The following ZNF362 variants were observed in gnomAD, a reference collection of about 807,000 sequenced individuals.
ZNF362 encodes rotund homolog.
In ZNF362, 11 loss-of-function variants were observed where a neutral mutation model predicts 42.9. The observed-to-expected ratio is 0.26, with a 90% confidence interval of 0.16 to 0.42. ZNF362 has a LOEUF of 0.42. Among genes scored for constraint, ZNF362 ranks in the 20% least tolerant of loss-of-function variants. The pLI is 1.00. For synonymous variants in ZNF362, 255 were observed against 257.3 expected (o/e 0.99, Z 0.09); for missense variants, 362 against 576.2 (o/e 0.63, Z 3.81).
the ZNF362 span, among the ~76,000 whole-genome samples, chr1:33,174,754 A>T: frequency 2.0e-5 from 3 of 152,166 alleles, no homozygotes; most frequent in African/African-American, 4.8e-5. Context: ...CAACAGAGCA[A>T]GCCTCAGTTA....
the ZNF362 span, among the ~76,000 whole-genome samples, chr1:33,210,790 C>T: frequency 3.3e-5 from 5 of 152,084 alleles, no homozygotes; most frequent in Admixed American, 6.6e-5. Flanking sequence ...AGACCTTCCT[C>T]CATCCCTTTA....
chr1:33,179,043 G>T, the ZNF362 span, among the ~76,000 whole-genome samples: 114,199 of 152,176 alleles, frequency 0.75, 42,857 homozygotes, highest in Admixed American at 0.78. Flanking sequence ...CTGTCTGGAA[G>T]TGTGGCCTTG....
intron 1 of ZNF362, among the ~76,000 whole-genome samples, chr1:33,257,760 C>T (rs2148056611): frequency 6.6e-6 from 1 of 152,334 alleles, no homozygotes; most frequent in East Asian, 1.9e-4. Context: ...CCTGCTGTCC[C>T]ACCACCCTGC....
chr1:33,288,989 T>C (rs1557798115), intron 6 of ZNF362, among the ~76,000 whole-genome samples: 2 of 152,134 alleles, frequency 1.3e-5, no homozygotes. Context: ...CCTGAAGCTT[T>C]TTCTGAGCCA....
chr1:33,226,023 TTAGACTGATTATGA>T, the ZNF362 span, among the ~76,000 whole-genome samples: 1 of 152,142 alleles, frequency 6.6e-6, no homozygotes, highest in Non-Finnish European at 1.5e-5. Context: ...TGTGATTGGT[TTAGACTGATTATGA>T]TTTGTCTACT....
the ZNF362 span, among the ~76,000 whole-genome samples, chr1:33,128,317 C>T: frequency 6.6e-6 from 1 of 152,026 alleles, no homozygotes; most frequent in African/African-American, 2.4e-5. Context: ...GTCGAGGCTT[C>T]AGTGAGCCGT....
chr1:33,165,097 G>A, the ZNF362 span: 8 of 169,298 alleles, frequency 4.7e-5, no homozygotes, highest in Non-Finnish European at 1.3e-5. The surrounding 1 kb of genome is among the most constrained non-coding windows in gnomAD (Gnocchi z 4.0). Context: ...AGGGTTGGGC[G>A]GTTTTAATAA....
chr1:33,280,588 G>A lies in ZNF362; in HGVS notation c.683+131G>A, dbSNP rs558291378. ...GAGGGGCAGGGCTAGGGTCCAGAGGGGCGGGGCCTTCTGGAGAGCCCCACC... is the reference window on the plus strand; with the variant it reads ...GAGGGGCAGGGCTAGGGTCCAGAGGAGCGGGGCCTTCTGGAGAGCCCCACC... On this transcript the variant is annotated intron_variant, in intron 5 of 8. Transcript: ENST00000539719. The surrounding 1 kb of genome is among the most constrained non-coding windows in gnomAD (Gnocchi z 5.6). The A allele has an allele frequency of 7.0e-7, 1 of 1,430,714 alleles. No individual in the cohort carries two copies. The highest frequency in any genetic ancestry group is 1.4e-5 in the African/African-American group (1 of 69,562). The allele number at this position is 1,430,714 out of a possible 1,614,324, so 88.6% of individuals were successfully genotyped here. A position where few individuals can be genotyped will look rare whatever the true frequency, so the allele number is the denominator to read the frequency against.
At chr1:33,276,637 G>A in intron 4 of ZNF362, 43 bp downstream of exon 4, 2 of 1,299,952 alleles carry the variant, frequency 1.5e-6, no homozygotes, top group Non-Finnish European at 1.9e-6. Context: ...TGAGGACTGG[G>A]CAGGAGGGGG....
At chr1:33,170,817 A>G in the ZNF362 span, among the ~76,000 whole-genome samples, 2 of 152,238 alleles carry the variant, frequency 1.3e-5, no homozygotes, top group East Asian at 3.9e-4. Context: ...TCTGTGCCCC[A>G]GTGCCTTGTC....
chr1:33,263,175 G>C (rs1645840875), intron 1 of ZNF362, among the ~76,000 whole-genome samples: 1 of 152,196 alleles, frequency 6.6e-6, no homozygotes, highest in Admixed American at 6.5e-5. Flanking sequence ...TGCGCAGTGT[G>C]TCTCATACAC....
chr1:33,282,826 A>AG (rs1488998080), intron 6 of ZNF362, among the ~76,000 whole-genome samples: 1 of 73,666 alleles, frequency 1.4e-5, no homozygotes. Flanking sequence ...CTGTCTCAAG[A>AG]GAAAAAAAAA....
At chr1:33,151,641 C>T in the ZNF362 span, among the ~76,000 whole-genome samples, 1 of 152,156 alleles carries the variant, frequency 6.6e-6, no homozygotes, top group Non-Finnish European at 1.5e-5. Flanking sequence ...CAGGTCAGAG[C>T]TCATTTCTAA....
the ZNF362 span, among the ~76,000 whole-genome samples, chr1:33,150,881 G>A: frequency 5.3e-5 from 8 of 152,286 alleles, no homozygotes; most frequent in Non-Finnish European, 1.0e-4. Flanking sequence ...GCAGAAGAGC[G>A]ATGCACAGTG....
At chr1:33,189,559 C>T in the ZNF362 span, among the ~76,000 whole-genome samples, 2 of 148,516 alleles carry the variant, frequency 1.3e-5, no homozygotes, top group Non-Finnish European at 3.0e-5. Flanking sequence ...AAGCTGTTGC[C>T]TCTTAGCGCC....
the ZNF362 span, among the ~76,000 whole-genome samples, chr1:33,197,910 A>T: frequency 6.6e-6 from 1 of 152,228 alleles, no homozygotes; most frequent in Non-Finnish European, 1.5e-5. Context: ...CACCGGCCAC[A>T]GTAGAAAAAT....
At chr1:33,250,945 T>A in the ZNF362 span, among the ~76,000 whole-genome samples, 1 of 151,700 alleles carries the variant, frequency 6.6e-6, no homozygotes, top group Non-Finnish European at 1.5e-5. Context: ...TTAGTTCTGA[T>A]CGGAGGTACA....
chr1:33,171,370 C>T, the ZNF362 span, among the ~76,000 whole-genome samples: 1 of 152,154 alleles, frequency 6.6e-6, no homozygotes, highest in Non-Finnish European at 1.5e-5. Flanking sequence ...TTAGTAGTGT[C>T]TTTATTGCGT....
the ZNF362 span, among the ~76,000 whole-genome samples, chr1:33,143,691 C>T: frequency 1.3e-5 from 2 of 152,234 alleles, no homozygotes; most frequent in African/African-American, 4.8e-5. Context: ...CCTAACCTCC[C>T]TCATTCTGTG....
Sources: allele counts gnomAD v4.1 joint callset (sites outside exome capture counted in the v4.1 genomes callset), GRCh38; gene constraint gnomAD v4.1.1; non-coding constraint Gnocchi (gnomAD v3.1); transcripts MANE v1.5; gene names NCBI Gene and HGNC (gene_info 2026-07-23, HGNC 2026-07-21).